Variants in PPL observed in about 807,000 individuals in gnomAD.
The protein encoded by PPL is 190 kDa paraneoplastic pemphigus antigen.
Under a neutral mutation model 194.4 loss-of-function variants are expected in PPL, and 198 were observed. The observed-to-expected ratio is 1.02, with a 90% CI of 0.91 to 1.15. The LOEUF is 1.15. Ranked by LOEUF, PPL falls within the 50% of genes most tolerant of loss-of-function variation. The pLI is 0.00. For synonymous variants in PPL, 1,220 were observed against 972.4 expected, an observed-to-expected ratio of 1.25 and a Z score of -4.74; for missense variants, 2,885 against 2,294.8, an observed-to-expected ratio of 1.26 and a Z score of -5.25.
At chr16:4,935,810 C>G (rs1232178764) in intron 1 of PPL, among the ~76,000 whole-genome samples, 1 of 152,160 alleles carries the variant, frequency 6.6e-6, no homozygotes, top group Non-Finnish European at 1.5e-5. Flanking sequence ...AGAGGCCTCT[C>G]CTTGCCTAGG....
chr16:4,909,599 G>C (rs2088778892), intron 2 of PPL, among the ~76,000 whole-genome samples: 1 of 151,798 alleles, frequency 6.6e-6, no homozygotes, highest in African/African-American at 2.4e-5. Flanking sequence ...GCTAATTGTT[G>C]TATTTTTAGT....
At chr16:4,929,902 C>T (rs942773422) in intron 1 of PPL, among the ~76,000 whole-genome samples, 1 of 151,092 alleles carries the variant, frequency 6.6e-6, no homozygotes, top group Admixed American at 6.6e-5. Flanking sequence ...TGCCCAGGCT[C>T]GTCTTCAACT....
chr16:4,908,987 G>A (rs1051238018), intron 2 of PPL, among the ~76,000 whole-genome samples: 14 of 152,204 alleles, frequency 9.2e-5, no homozygotes, highest in African/African-American at 3.4e-4. Flanking sequence ...CCACCACAGG[G>A]GGCCTCAGAT....
chr16:4,936,891 C>G (rs374792955), intron 1 of PPL, 93 bp downstream of exon 1: 2 of 1,286,396 alleles, frequency 1.6e-6, no homozygotes, highest in Admixed American at 2.5e-5. Flanking sequence ...ACCCCCGTAC[C>G]CCCCATTCCT....
Position 4,885,496 on chromosome 16 carries a change from T to C in PPL, c.3159A>G (p.Thr1053=), listed in dbSNP as rs1272024558. The change falls in exon 22 of 22, where the codon ACA becomes ACG. Residue 1053 remains threonine, a synonymous_variant. Transcript: ENST00000345988. This position sits in a 1 kb window ranked among gnomAD's most constrained non-coding sequence, Gnocchi z 6.3. ...TCTGCAGTTTCACCACCTCTTTCTC[T>C]GTGACCTTCTCCTGCGCCCGGCTCT... ...EEKSRAQEKV[T]EKEVVKLQND... is the part of the protein sequence containing the mutation. 4.3e-6 allele frequency: 7 copies of C among 1,611,866 alleles called. No homozygotes were observed. The highest frequency in any genetic ancestry group is 5.9e-6 in the Non-Finnish European group (7 of 1,179,930).
chr16:4,911,085 T>C (rs2088811302), intron 1 of PPL, 136 bp from the exon 2 acceptor site: 3 of 659,936 alleles, frequency 4.5e-6, no homozygotes, highest in Non-Finnish European at 7.9e-6. Flanking sequence ...TTGAGGTAGT[T>C]GGGCTGTTCC....
At chr16:4,928,265 T>C (rs1257278360) in intron 1 of PPL, among the ~76,000 whole-genome samples, 3 of 152,262 alleles carry the variant, frequency 2.0e-5, no homozygotes, top group Non-Finnish European at 4.4e-5. Context: ...TTTGTATTTT[T>C]AGTAGGGACA....
intron 18 of PPL, 23 bp from the exon 19 acceptor site, chr16:4,889,084 CA>C (rs1567992466): frequency 6.2e-7 from 1 of 1,602,762 alleles, no homozygotes; most frequent in Non-Finnish European, 8.5e-7. Flanking sequence ...GTTTAAAAAT[CA>C]AAACTAACCA....
Position 4,919,007 on chromosome 16 carries a change from G to T in PPL, c.63-8058C>A, listed in dbSNP as rs376743909. ...GGAGGCCGAGACACAGCCCTGTCCT[G>T]CCCATGCAGACACAGACAGCAGCCA... On this transcript the variant is annotated intron_variant, in intron 1 of 21. Coordinates refer to ENST00000345988, the MANE Select transcript of PPL (RefSeq NM_002705.5). Among the ~76,000 whole-genome samples, 7 of 152,296 alleles carry T rather than the reference G, an allele frequency of 4.6e-5. No individual in the cohort carries two copies. In the South Asian group the frequency reaches 1.5e-3, roughly 32 times the overall value.
At chr16:4,916,297 C>T (rs139340862) in intron 1 of PPL, among the ~76,000 whole-genome samples, 5 of 150,000 alleles carry the variant, frequency 3.3e-5, no homozygotes, top group East Asian at 2.0e-4. Flanking sequence ...ACTCAGCCTC[C>T]GCTTCCCAGA....
At chr16:4,912,604 T>A (rs1568036164) in intron 1 of PPL, among the ~76,000 whole-genome samples, 1 of 152,258 alleles carries the variant, frequency 6.6e-6, no homozygotes, top group Admixed American at 6.5e-5. Flanking sequence ...GTTAAATGTG[T>A]TTACAAAGGT....
intron 8 of PPL, among the ~76,000 whole-genome samples, chr16:4,898,507 T>C (rs2088478436): frequency 6.6e-6 from 1 of 152,084 alleles, no homozygotes; most frequent in Non-Finnish European, 1.5e-5. Flanking sequence ...CTGATATCCT[T>C]ATAAGAAGAG....
At chr16:4,894,024 GGA>G (rs2088370906) in intron 12 of PPL, among the ~76,000 whole-genome samples, 1 of 152,200 alleles carries the variant, frequency 6.6e-6, no homozygotes, top group African/African-American at 2.4e-5. Flanking sequence ...ACTAGGCCCT[GGA>G]GAGAGGAAAT....
At chr16:4,896,189 A>G (rs915418802) in intron 9 of PPL, among the ~76,000 whole-genome samples, 1 of 152,176 alleles carries the variant, frequency 6.6e-6, no homozygotes, top group African/African-American at 2.4e-5. Context: ...GCAGCCATAA[A>G]CAGGACCTGA....
intron 1 of PPL, among the ~76,000 whole-genome samples, chr16:4,921,115 G>A (rs963579605): frequency 5.3e-5 from 8 of 152,216 alleles, no homozygotes; most frequent in Non-Finnish European, 2.9e-5. Flanking sequence ...CTTCTGGGCT[G>A]GGGATGCCAG....
intron 1 of PPL, among the ~76,000 whole-genome samples, chr16:4,934,883 G>A (rs2142437924): frequency 6.6e-6 from 1 of 152,330 alleles, no homozygotes; most frequent in African/African-American, 2.4e-5. Flanking sequence ...AGGGGAGGGG[G>A]CAGAGGGATG....
chr16:4,924,817 C>T (rs1018382268), intron 1 of PPL, among the ~76,000 whole-genome samples: 1 of 152,258 alleles, frequency 6.6e-6, no homozygotes. Context: ...ACAGCCATCC[C>T]CTTCTCCAGG....
At chr16:4,907,444 T>G (rs1007754401) in intron 2 of PPL, among the ~76,000 whole-genome samples, 9 of 152,044 alleles carry the variant, frequency 5.9e-5, no homozygotes, top group Non-Finnish European at 1.3e-4. Context: ...GTTTTCTGCA[T>G]GTTTAGCATT....
chr16:4,890,731 C>T lies in PPL; in HGVS notation c.2159G>A (p.Arg720His), dbSNP rs138302153. The change falls in exon 17 of 22, where the codon CGC (arginine) becomes CAC (histidine). Residue 720 changes from arginine to histidine, a missense_variant. Physicochemically the swap from Arg to His is conservative, Grantham distance 29. Transcript: ENST00000345988. ...CCACCACCCACCGCACCCTCACCTG[C>T]GTTCCACCTGCTGGCGCAGGTTGTT... ...RFNNLRQQVE[R>H]RAQSLQSAKA... 5,189 of 1,605,200 alleles carry T rather than the reference C, an allele frequency of 3.2e-3. 20 individuals are homozygous for T. Among genetic ancestry groups the T allele is most frequent in the Middle Eastern group, 9.4e-3 (57 of 6,038 alleles).
Sources: allele counts gnomAD v4.1 joint callset (sites outside exome capture counted in the v4.1 genomes callset), GRCh38; gene constraint gnomAD v4.1.1; non-coding constraint Gnocchi (gnomAD v3.1); transcripts MANE v1.5; gene names NCBI Gene and HGNC (gene_info 2026-07-23, HGNC 2026-07-21).